Variants in EFHD1 observed in about 807,000 individuals in gnomAD.
EFHD1 encodes the protein EF-hand domain-containing protein D1.
In EFHD1, 10 loss-of-function variants were observed where a neutral mutation model predicts 17.2. The observed-to-expected ratio is 0.58, with a 90% CI of 0.36 to 0.99. EFHD1 has a LOEUF of 0.99. Among genes scored for constraint, EFHD1 ranks in the 50% least tolerant of loss-of-function variants. The pLI is 0.01. For missense variants in EFHD1, 310 were observed against 327.5 expected (o/e 0.95, Z 0.41); for synonymous variants, 153 against 142.0 (o/e 1.08, Z -0.55).
intron 1 of EFHD1, among the ~76,000 whole-genome samples, chr2:232,651,419 A>G (rs1300427956): frequency 6.6e-6 from 1 of 152,244 alleles, no homozygotes; most frequent in African/African-American, 2.4e-5. Flanking sequence ...AGTTTGATAT[A>G]AGATCATCTG....
intron 1 of EFHD1, among the ~76,000 whole-genome samples, chr2:232,624,295 C>T (rs1694071402): frequency 6.6e-6 from 1 of 152,180 alleles, no homozygotes; most frequent in South Asian, 2.1e-4. Flanking sequence ...CCTAAAGTCC[C>T]CCAGCCCCAG....
At chr2:232,680,792 A>G (rs996368626) in intron 3 of EFHD1, among the ~76,000 whole-genome samples, 3 of 151,956 alleles carry the variant, frequency 2.0e-5, no homozygotes, top group Non-Finnish European at 4.4e-5. Context: ...TACAGGCTTG[A>G]GTCACCGCGC....
rs540515335 is a variant in EFHD1, at chr2:232,615,663, A to C, written c.14+9490A>C. Among the ~76,000 whole-genome samples the C allele has an allele frequency of 5.3e-5, 8 of 150,962 alleles. No individual in the cohort carries two copies. The South Asian group carries it at 1.7e-3, about 32-fold the overall frequency. On this transcript the variant is annotated intron_variant, in intron 1 of 3. Coordinates refer to the EFHD1 transcript ENST00000409613. ...AAAAATAGTGTAGTCGTTTTTAAAA[A>C]TACATTTTCTTTTTCTTTTCCTTTT...
At chr2:232,670,614 C>T (rs1177479616) in intron 2 of EFHD1, among the ~76,000 whole-genome samples, 1 of 150,802 alleles carries the variant, frequency 6.6e-6, no homozygotes, top group South Asian at 2.1e-4. Flanking sequence ...TGATTAACCT[C>T]ACATGATAAA....
In EFHD1 at chr2:232,633,664, G is replaced by GTCCCGCGTCCCCGCGT. The variant is rs1216216937; in HGVS notation, c.-30_-15dup. 1.7e-5 allele frequency: 23 copies of GTCCCGCGTCCCCGCGT among 1,391,096 alleles called. No individual in the cohort carries two copies. Among genetic ancestry groups the GTCCCGCGTCCCCGCGT allele is most frequent in the Admixed American group, 1.1e-4 (3 of 28,142 alleles). The allele number at this position is 1,391,096 out of a possible 1,614,324, so 86.2% of individuals were successfully genotyped here. On this transcript the variant is annotated 5_prime_UTR_variant, in exon 1 of 4. Coordinates refer to ENST00000264059, the MANE Select transcript of EFHD1 (RefSeq NM_025202.4). ...GCCGCCCGCCAGCTCCCTGCGTCCC[G>GTCCCGCGTCCCCGCGT]TCCCGCGTCCCCGCGTTCCCGCGTC...
chr2:232,666,318 A>G (rs1165643959), intron 2 of EFHD1, among the ~76,000 whole-genome samples: 2 of 151,936 alleles, frequency 1.3e-5, no homozygotes, highest in Admixed American at 6.6e-5. Flanking sequence ...TCACCACCAC[A>G]CTTGTCTTCA....
At chr2:232,671,293 G>A (rs189962863) in intron 2 of EFHD1, among the ~76,000 whole-genome samples, 1 of 151,006 alleles carries the variant, frequency 6.6e-6, no homozygotes, top group Admixed American at 6.6e-5. Flanking sequence ...AAAAAAATTA[G>A]CCAGGTGTGG....
intron 1 of EFHD1, among the ~76,000 whole-genome samples, chr2:232,625,761 T>C (rs545809407): frequency 2.4e-4 from 36 of 152,294 alleles, no homozygotes; most frequent in Non-Finnish European, 4.0e-4. Context: ...TTTGTACCCA[T>C]GATGCGAAAG....
At chr2:232,662,687 C>T (rs536423837) in intron 1 of EFHD1, 115 bp from the exon 2 acceptor site, 147 of 1,419,242 alleles carry the variant, frequency 1.0e-4, no homozygotes, top group Non-Finnish European at 1.3e-4. Flanking sequence ...ACATTGGCCT[C>T]GCAGAGCGGG....
chr2:232,655,864 TGGCACGACCTC>T (rs1694752526), intron 1 of EFHD1, among the ~76,000 whole-genome samples: 1 of 149,018 alleles, frequency 6.7e-6, no homozygotes, highest in Middle Eastern at 3.2e-3. Context: ...TGGAGTGCAG[TGGCACGACCTC>T]GGCTTACTGC....
At chr2:232,664,339 C>A (rs1694930069) in intron 2 of EFHD1, among the ~76,000 whole-genome samples, 1 of 151,430 alleles carries the variant, frequency 6.6e-6, no homozygotes, top group South Asian at 2.1e-4. Flanking sequence ...TAGGGTCTTG[C>A]TATGTTGCCC....
intron 1 of EFHD1, among the ~76,000 whole-genome samples, chr2:232,620,384 T>C (rs1377774522): frequency 2.1e-5 from 3 of 139,636 alleles, no homozygotes; most frequent in Non-Finnish European, 4.6e-5. Flanking sequence ...CGAGACTCCA[T>C]CTCAAAAAAA....
intron 1 of EFHD1, among the ~76,000 whole-genome samples, chr2:232,651,799 G>A (rs1258367148): frequency 6.6e-6 from 1 of 151,354 alleles, no homozygotes; most frequent in Admixed American, 6.6e-5. Flanking sequence ...TCCAGCCTGG[G>A]CAACAGAGGG....
chr2:232,613,682 A>G (rs965993800), intron 1 of EFHD1, among the ~76,000 whole-genome samples: 35 of 151,550 alleles, frequency 2.3e-4, no homozygotes, highest in African/African-American at 6.3e-4. Flanking sequence ...AAATATACAC[A>G]CATACACAAA....
intron 1 of EFHD1, among the ~76,000 whole-genome samples, chr2:232,616,236 AC>A (rs1266559045): frequency 6.6e-6 from 1 of 152,128 alleles, no homozygotes; most frequent in Non-Finnish European, 1.5e-5. Flanking sequence ...ACGTGGATGA[AC>A]CTTGAGACAT....
At position 232,667,545 on chromosome 2, in the gene EFHD1, ATTT is replaced by A. The variant is rs1559354790; in HGVS notation, c.450+4597_450+4599del. 2.9e-3 allele frequency among the ~76,000 whole-genome samples: 438 copies of A among 150,576 alleles called. 2 individuals carry two copies. Among genetic ancestry groups the A allele is most frequent in the African/African-American group, 6.4e-3 (261 of 41,052 alleles). ...TTTATTTTAATTAATTAATTAATTT[ATTT>A]ATTTATTTATTTATTTATTTTGAGA... On this transcript the variant is annotated intron_variant, in intron 2 of 3. Coordinates refer to ENST00000264059, the MANE Select transcript of EFHD1 (RefSeq NM_025202.4).
intron 1 of EFHD1, among the ~76,000 whole-genome samples, chr2:232,607,628 C>T (rs1163192363): frequency 1.3e-5 from 2 of 151,078 alleles, no homozygotes; most frequent in African/African-American, 2.4e-5. Flanking sequence ...TAGTGCCATG[C>T]GCTTATAGTC....
chr2:232,629,616 G>T (rs143450881), upstream of EFHD1, among the ~76,000 whole-genome samples: 1 of 151,882 alleles, frequency 6.6e-6, no homozygotes, highest in Non-Finnish European at 1.5e-5. Context: ...CTACAGGTGC[G>T]TGTCACCACG....
At chr2:232,671,942 A>G (rs532000594) in intron 2 of EFHD1, among the ~76,000 whole-genome samples, 248 of 150,916 alleles carry the variant, frequency 1.6e-3, no homozygotes, top group African/African-American at 5.9e-3. Context: ...CTGTAATCCC[A>G]GCTACTCGGG....
Sources: allele counts gnomAD v4.1 joint callset (sites outside exome capture counted in the v4.1 genomes callset), GRCh38; gene constraint gnomAD v4.1.1; transcripts MANE v1.5; gene names NCBI Gene and HGNC (gene_info 2026-07-23, HGNC 2026-07-21).